Variants in ZNF775 observed in about 807,000 individuals in gnomAD.
The protein encoded by ZNF775 is zinc finger protein 775.
Under a neutral mutation model 2.4 loss-of-function variants are expected in ZNF775, and 1 was observed. That is an observed-to-expected ratio of 0.41 (90% CI 0.15 to 1.94). ZNF775 has a LOEUF of 1.94. ZNF775 is among the 30% of genes most tolerant of loss of function. The pLI is 0.30. For missense variants in ZNF775, 823 were observed against 826.6 expected, an observed-to-expected ratio of 1.00 and a Z score of 0.05; for synonymous variants, 381 against 373.3, an observed-to-expected ratio of 1.02 and a Z score of -0.24.
Position 150,396,724 on chromosome 7 carries a change from T to G in ZNF775, c.243T>G (p.Asp81Glu). ...GGTGGGCCCCTCCCACTGAGCAGGA[T>G]GCGGGGCTGGCAGGCCGGGCTCCCG... The part of the protein sequence containing the change: ...SPRWAPPTEQ[D>E]AGLAGRAPGS... Residue 81 changes from aspartate (D) to glutamate (E), a missense_variant, in exon 3 of 3, where the codon GAT becomes GAG. Asp to Glu is a conservative substitution (Grantham distance 45, BLOSUM62 2). Coordinates refer to ENST00000329630, the MANE Select transcript of ZNF775 (RefSeq NM_173680.4). 6.3e-7 allele frequency: 1 copy of G among 1,596,846 alleles called. No homozygotes were observed. Among genetic ancestry groups the G allele is most frequent in the African/African-American group, 1.3e-5 (1 of 74,844 alleles).
chr7:150,398,105 C>A lies in ZNF775; in HGVS notation c.*10C>A, dbSNP rs1195694628. On this transcript the variant is annotated 3_prime_UTR_variant, in exon 3 of 3. Coordinates refer to ENST00000329630, the MANE Select transcript of ZNF775 (RefSeq NM_173680.4). ...GGAGGAGGCGCGCTAGTGGACTGGA[C>A]CTCAGCGGACCCGTGGTGGTGCGGG... 2 of 1,541,354 alleles carry A rather than the reference C, an allele frequency of 1.3e-6. No homozygotes were observed. The highest frequency in any genetic ancestry group is 4.8e-5 in the East Asian group (2 of 41,282).
At chr7:150,385,093 T>TCCA (rs1319483559) in intron 1 of ZNF775, among the ~76,000 whole-genome samples, 1 of 152,100 alleles carries the variant, frequency 6.6e-6, no homozygotes, top group African/African-American at 2.4e-5. Flanking sequence ...ATGCAGAAGC[T>TCCA]CACAGAGTGG....
chr7:150,391,505 C>A (rs546535338), intron 2 of ZNF775, among the ~76,000 whole-genome samples: 2 of 151,970 alleles, frequency 1.3e-5, no homozygotes, highest in East Asian at 3.9e-4. Flanking sequence ...GAGACTCTGT[C>A]TCAAAAATAA....
intron 2 of ZNF775, among the ~76,000 whole-genome samples, chr7:150,391,743 C>CT (rs1800563954): frequency 9.8e-5 from 3 of 30,746 alleles, no homozygotes; most frequent in East Asian, 7.6e-4. Context: ...AGAGTTTTTG[C>CT]TTTTTTTGCC....
rs920647288 is a variant in ZNF775 at position 150,384,970 on chromosome 7, C to T, written c.-49-3452C>T. On this transcript the variant is annotated intron_variant, in intron 1 of 2. Transcript: ENST00000329630. The surrounding 1 kb of genome is among the most constrained non-coding windows in gnomAD (Gnocchi z 4.1). ...TCCTGAATTTGTGGCCTGGGCTCTG[C>T]CCTCCTCGGTCTGAGTTCCCCTTAC... 6.6e-6 allele frequency among the ~76,000 whole-genome samples: 1 copy of T among 152,226 alleles called. No individual in the cohort carries two copies. The highest frequency in any genetic ancestry group is 1.5e-5 in the Non-Finnish European group (1 of 68,040).
At chr7:150,396,387 G>T in intron 2 of ZNF775, 126 bp from the exon 3 acceptor site, 11 of 1,154,160 alleles carry the variant, frequency 9.5e-6, no homozygotes, top group East Asian at 5.7e-5. Context: ...GCCTTTTCTC[G>T]TGCCCTCTTT....
At chr7:150,392,656 C>T (rs1800579953) in intron 2 of ZNF775, among the ~76,000 whole-genome samples, 1 of 151,882 alleles carries the variant, frequency 6.6e-6, no homozygotes, top group Non-Finnish European at 1.5e-5. Context: ...ACCTCAGCCT[C>T]CAGAGTAGCT....
chr7:150,393,172 G>T (rs984685052), intron 2 of ZNF775, among the ~76,000 whole-genome samples: 1 of 151,708 alleles, frequency 6.6e-6, no homozygotes, highest in African/African-American at 2.4e-5. Flanking sequence ...GGCTACCACT[G>T]GTTTTTAAAT....
At chr7:150,395,110 T>G (rs1356085132) in intron 2 of ZNF775, among the ~76,000 whole-genome samples, 2 of 152,236 alleles carry the variant, frequency 1.3e-5, no homozygotes, top group African/African-American at 4.8e-5. Flanking sequence ...TGAGATGTTC[T>G]TCTCAGTCTC....
intron 2 of ZNF775, among the ~76,000 whole-genome samples, chr7:150,390,058 C>T (rs1377156441): frequency 6.6e-6 from 1 of 152,186 alleles, no homozygotes; most frequent in Non-Finnish European, 1.5e-5. Flanking sequence ...AAACTGTACT[C>T]ATGGAGCAAT....
intron 2 of ZNF775, among the ~76,000 whole-genome samples, chr7:150,389,942 C>A (rs10250758): frequency 0.47 from 68,811 of 146,310 alleles, 16,796 homozygotes; most frequent in Admixed American, 0.51. Context: ...ATACGCAACA[C>A]TTACCATTGT....
At chr7:150,387,295 C>CA (rs550286754) in intron 1 of ZNF775, among the ~76,000 whole-genome samples, 48,790 of 102,600 alleles carry the variant, frequency 0.48, 10,844 homozygotes, top group Admixed American at 0.51. Context: ...GACTCTGTCT[C>CA]AAAAAAAAAA....
At chr7:150,392,723 C>T (rs1463341111) in intron 2 of ZNF775, among the ~76,000 whole-genome samples, 1 of 152,152 alleles carries the variant, frequency 6.6e-6, no homozygotes, top group African/African-American at 2.4e-5. Context: ...TTTATACAGA[C>T]AGGTGTTGCT....
chr7:150,396,464 G>A (rs770624139), intron 2 of ZNF775, 49 bp from the exon 3 acceptor site: 3 of 1,513,330 alleles, frequency 2.0e-6, no homozygotes, highest in Middle Eastern at 2.3e-4. Context: ...CCCACCCAGC[G>A]GAGCAGCAGT....
rs1178597338 is a variant in ZNF775, at chr7:150,382,753, G to GC, written c.-50+3362dup. ...GTCTCTCCAGCCAGCTGCAGCTCCT[G>GC]CTGACTTATCCCACCCCAGCGCAGG... On this transcript the variant is annotated intron_variant, in intron 1 of 2. Transcript: ENST00000329630. The surrounding 1 kb of genome is among the most constrained non-coding windows in gnomAD (Gnocchi z 4.6). The GC allele has an allele frequency of 1.3e-5, 2 of 152,518 alleles. No individual in the cohort carries two copies. The highest frequency in any genetic ancestry group is 2.9e-5 in the Non-Finnish European group (2 of 68,266). The allele number at this position is 152,518 out of a possible 1,614,324, so 9.4% of individuals were successfully genotyped here.
In ZNF775 at chr7:150,384,827, A is replaced by T. The variant is rs1034431938; in HGVS notation, c.-49-3595A>T. ...CCCGGACAGTGGAAGGCCTGCTACTACCTGGAGTGGCTGTTAGGTCCTAAT... is the reference window on the plus strand; with the variant it reads ...CCCGGACAGTGGAAGGCCTGCTACTTCCTGGAGTGGCTGTTAGGTCCTAAT... On this transcript the variant is annotated intron_variant, in intron 1 of 2. Transcript: ENST00000329630. The surrounding 1 kb of genome is among the most constrained non-coding windows in gnomAD (Gnocchi z 4.1). Among the ~76,000 whole-genome samples, 1 of 151,942 alleles carries T rather than the reference A, an allele frequency of 6.6e-6. No individual in the cohort carries two copies. Among genetic ancestry groups the T allele is most frequent in the Non-Finnish European group, 1.5e-5 (1 of 67,986 alleles).
chr7:150,397,542 A>C lies in ZNF775; in HGVS notation c.1061A>C (p.Lys354Thr). 2 of 1,552,772 alleles carry C rather than the reference A, an allele frequency of 1.3e-6. No individual in the cohort carries two copies. The highest frequency in any genetic ancestry group is 1.7e-6 in the Non-Finnish European group (2 of 1,156,252). The change falls in exon 3 of 3, where the codon AAG (lysine) becomes ACG (threonine). Residue 354 changes from lysine to threonine, a missense_variant. By Grantham distance (78) the Lys-to-Thr change is moderately conservative. Transcript: ENST00000329630. Reference sequence around the variant, plus strand: ...TTCCGCCAGAAGCAGCACCTGCTCAAGCACCTGCGCACGCACCTGCCCGGC... The same window carrying C: ...TTCCGCCAGAAGCAGCACCTGCTCACGCACCTGCGCACGCACCTGCCCGGC... ...RGFRQKQHLL[K>T]HLRTHLPGAQ...
At chr7:150,394,532 G>C (rs1800614718) in intron 2 of ZNF775, among the ~76,000 whole-genome samples, 1 of 152,096 alleles carries the variant, frequency 6.6e-6, no homozygotes, top group Non-Finnish European at 1.5e-5. Flanking sequence ...CCTGTAATGG[G>C]CTTCTAATCT....
At chr7:150,394,210 T>G (rs1273103164) in intron 2 of ZNF775, among the ~76,000 whole-genome samples, 1 of 152,256 alleles carries the variant, frequency 6.6e-6, no homozygotes, top group African/African-American at 2.4e-5. Context: ...CTTTATCTCT[T>G]TAGTAAAGTT....
Sources: gnomAD v4.1 joint callset for allele counts (sites outside exome capture counted in the v4.1 genomes callset) on GRCh38, gnomAD v4.1.1 for gene constraint, Gnocchi (gnomAD v3.1) non-coding constraint, MANE v1.5 for transcripts, NCBI Gene and HGNC (gene_info 2026-07-23, HGNC 2026-07-21) for gene names.